SLC22A25: variants seen among roughly 807,000 people sequenced by gnomAD.
SLC22A25 encodes the protein MGI:2442751, MGI:2385316, MGI:3042283, MGI:3645714, MGI:3605624, MGI:2442750.
Under a neutral mutation model 45.9 loss-of-function variants are expected in SLC22A25, and 44 were observed. The observed-to-expected ratio is 0.96, with a 90% CI of 0.75 to 1.23. The LOEUF is 1.23. Among genes scored for constraint, SLC22A25 ranks in the 50% most tolerant of loss-of-function variants. The probability of loss-of-function intolerance (pLI) is 0.00; values close to 1 mark genes in which losing one functional copy is unlikely to be tolerated. For synonymous variants in SLC22A25, 283 were observed against 238.6 expected (o/e 1.19, Z -1.72); for missense variants, 800 against 666.4 (o/e 1.20, Z -2.21).
rs2089922796 is a variant in SLC22A25 at position 63,224,754 on chromosome 11, CTTTTTAACCT to C, written c.506+3697_506+3706del. 8.5e-5 allele frequency among the ~76,000 whole-genome samples: 13 copies of C among 152,284 alleles called. No homozygotes were observed. In the South Asian group the frequency reaches 2.5e-3, roughly 29 times the overall value. On this transcript the variant is annotated intron_variant, in intron 5 of 11. Transcript: ENST00000306494. ...TGCATACTTTACCTCGATCTCTCTG[CTTTTTAACCT>C]TTGTTTCTGTTTATATTTTATTGTA... is the stretch of plus-strand genomic sequence containing the variant.
chr11:63,204,949 A>G (rs1263855629), intron 7 of SLC22A25, among the ~76,000 whole-genome samples: 1 of 152,238 alleles, frequency 6.6e-6, no homozygotes, highest in Non-Finnish European at 1.5e-5. Context: ...TATGGAAATC[A>G]TAACAAACAG....
At chr11:63,178,815 T>G (rs1030805184) in intron 9 of SLC22A25, among the ~76,000 whole-genome samples, 1 of 152,142 alleles carries the variant, frequency 6.6e-6, no homozygotes, top group Non-Finnish European at 1.5e-5. Context: ...TTTAGCTTGA[T>G]GTAATTCCAT....
chr11:63,186,194 CT>C (rs2088536291), intron 7 of SLC22A25, among the ~76,000 whole-genome samples: 1 of 124,716 alleles, frequency 8.0e-6, no homozygotes, highest in African/African-American at 3.0e-5. Context: ...TCCACATCCT[CT>C]CCAGCACCTG....
At chr11:63,164,920 GT>G (rs532296342) in intron 10 of SLC22A25, among the ~76,000 whole-genome samples, 21 of 149,064 alleles carry the variant, frequency 1.4e-4, no homozygotes, top group South Asian at 2.1e-4. Flanking sequence ...GAGCTAAAGA[GT>G]TTTTTTTTTG....
intron 7 of SLC22A25, among the ~76,000 whole-genome samples, chr11:63,204,619 A>G (rs1317155789): frequency 6.6e-6 from 1 of 152,214 alleles, no homozygotes; most frequent in East Asian, 1.9e-4. Flanking sequence ...AAGTATCCTA[A>G]ATATAAATGC....
chr11:63,173,615 T>G (rs182263507), intron 9 of SLC22A25, among the ~76,000 whole-genome samples: 1 of 152,274 alleles, frequency 6.6e-6, no homozygotes, highest in East Asian at 1.9e-4. Flanking sequence ...CCTAGCAGAT[T>G]GGGTTTGTGA....
chr11:63,178,483 T>A (rs994750682), intron 9 of SLC22A25, among the ~76,000 whole-genome samples: 18 of 151,904 alleles, frequency 1.2e-4, no homozygotes, highest in African/African-American at 4.1e-4. Context: ...AGCATTTTTT[T>A]TTTTGTCTTT....
At chr11:63,218,546 T>A (rs1436445402) in intron 5 of SLC22A25, among the ~76,000 whole-genome samples, 4 of 152,160 alleles carry the variant, frequency 2.6e-5, no homozygotes, top group African/African-American at 9.7e-5. Flanking sequence ...TGTATTAACA[T>A]ACAGTGCACC....
intron 7 of SLC22A25, among the ~76,000 whole-genome samples, chr11:63,194,040 G>A (rs377675204): frequency 6.6e-6 from 1 of 152,094 alleles, no homozygotes; most frequent in South Asian, 2.1e-4. Flanking sequence ...TAGCCAATTC[G>A]ATCAAGTGGA....
chr11:63,198,450 C>G (rs1016515983), intron 7 of SLC22A25, among the ~76,000 whole-genome samples: 1 of 152,152 alleles, frequency 6.6e-6, no homozygotes, highest in Non-Finnish European at 1.5e-5. Flanking sequence ...AACCAGCACT[C>G]TGAGCAAACT....
chr11:63,218,676 G>A (rs1205151355), intron 5 of SLC22A25, among the ~76,000 whole-genome samples: 1 of 152,110 alleles, frequency 6.6e-6, no homozygotes, highest in African/African-American at 2.4e-5. Flanking sequence ...TAGGTAAATG[G>A]ATGTGAAAGG....
At chr11:63,208,982 T>C (rs1372509067) in intron 7 of SLC22A25, among the ~76,000 whole-genome samples, 2 of 152,088 alleles carry the variant, frequency 1.3e-5, no homozygotes, top group African/African-American at 2.4e-5. Context: ...GAGTGCATGA[T>C]AAAGTATTTA....
intron 1 of SLC22A25, 152 bp downstream of exon 1, chr11:63,243,282 T>G: frequency 5.0e-6 from 2 of 403,066 alleles, no homozygotes. Context: ...ATGGTGGCCA[T>G]TTGATTGGTG....
intron 3 of SLC22A25, among the ~76,000 whole-genome samples, chr11:63,233,307 T>G (rs1264005758): frequency 6.6e-6 from 1 of 152,224 alleles, no homozygotes; most frequent in Non-Finnish European, 1.5e-5. Context: ...TGCCTCAATT[T>G]CAGAGCCTGT....
chr11:63,192,883 G>A (rs2088866912), intron 7 of SLC22A25, among the ~76,000 whole-genome samples: 1 of 152,142 alleles, frequency 6.6e-6, no homozygotes, highest in East Asian at 1.9e-4. Flanking sequence ...CACAATAAGA[G>A]TGGGAGATTT....
At chr11:63,230,632 C>G (rs1229528545) in intron 3 of SLC22A25, among the ~76,000 whole-genome samples, 2 of 151,960 alleles carry the variant, frequency 1.3e-5, no homozygotes, top group Non-Finnish European at 2.9e-5. Context: ...ATACAGTTCA[C>G]CCTTTTAAAA....
Position 63,159,290 on chromosome 11 carries a change from G to T in SLC22A25, c.*4534C>A, listed in dbSNP as rs2087517192. ...TATATGCCTTTGATATGATTTGGCT[G>T]CACCCCCACCCAAATCTCATCTTGA... On this transcript the variant is annotated 3_prime_UTR_variant, in exon 12 of 12. Coordinates refer to ENST00000306494, the MANE Select transcript of SLC22A25 (RefSeq NM_199352.6). Among the ~76,000 whole-genome samples the T allele has an allele frequency of 6.6e-6, 1 of 152,044 alleles. No individual in the cohort carries two copies. Among genetic ancestry groups the T allele is most frequent in the Non-Finnish European group, 1.5e-5 (1 of 68,020 alleles).
intron 9 of SLC22A25, among the ~76,000 whole-genome samples, chr11:63,180,354 A>G (rs1315250042): frequency 6.6e-6 from 1 of 152,178 alleles, no homozygotes; most frequent in Non-Finnish European, 1.5e-5. Flanking sequence ...TTTATAAATT[A>G]GCTCAATTAA....
chr11:63,163,983 G>T lies in SLC22A25; in HGVS notation c.1485C>A (p.Pro495=). 2.5e-6 allele frequency: 4 copies of T among 1,613,896 alleles called. No homozygotes were observed. Among genetic ancestry groups the T allele is most frequent in the East Asian group, 4.5e-5 (2 of 44,862 alleles). ...AGACTCCATAGATGATCCAGGGCAG[G>T]GGTCGAGAATATATGCTTAGGATCA... is the stretch of plus-strand genomic sequence containing the variant. ...LMMILSIYSR[P]LPWIIYGVFA... is the part of the protein sequence containing the mutation. The change falls in exon 12 of 12, where the codon CCC becomes CCA. Residue 495 remains proline, a synonymous_variant. Coordinates refer to ENST00000306494, the MANE Select transcript of SLC22A25 (RefSeq NM_199352.6).
Sources: allele counts gnomAD v4.1 joint callset (sites outside exome capture counted in the v4.1 genomes callset), GRCh38; gene constraint gnomAD v4.1.1; transcripts MANE v1.5; gene names NCBI Gene and HGNC (gene_info 2026-07-23, HGNC 2026-07-21).